DIAPH2: variants seen among roughly 807,000 people sequenced by gnomAD.
DIAPH2 encodes protein diaphanous homolog 2.
Under a neutral mutation model 92.7 loss-of-function variants are expected in DIAPH2, and 35 were observed. The ratio of observed to expected loss-of-function variants is 0.38; its 90% CI spans 0.29 to 0.50. The LOEUF is 0.50. DIAPH2 is among the 20% of genes least tolerant of loss of function. The probability of loss-of-function intolerance (pLI) is 0.94; values close to 1 mark genes in which losing one functional copy is unlikely to be tolerated. For synonymous variants in DIAPH2, 301 were observed against 280.4 expected (o/e 1.07, Z -0.73); for missense variants, 701 against 819.5 (o/e 0.86, Z 1.77).
At chrX:97,249,077 T>C (rs1025236293) in intron 23 of DIAPH2, among the ~76,000 whole-genome samples, 16 of 110,366 alleles carry the variant, frequency 1.4e-4, no homozygotes, top group Non-Finnish European at 2.7e-4. Flanking sequence ...TTTTTTTTTT[T>C]CAAATATGTT....
intron 19 of DIAPH2, among the ~76,000 whole-genome samples, chrX:97,081,446 A>T (rs542061794): frequency 1.8e-5 from 2 of 112,407 alleles, no homozygotes; most frequent in South Asian, 7.4e-4. Flanking sequence ...TGTTGTTCAC[A>T]GAGAAAGAAA....
At chrX:97,434,697 A>C (rs1353896372) in intron 26 of DIAPH2, among the ~76,000 whole-genome samples, 1 of 111,423 alleles carries the variant, frequency 9.0e-6, no homozygotes. Flanking sequence ...GGTGTGAGCT[A>C]CCGCACCCAG....
chrX:97,078,937 A>G (rs968062746), intron 19 of DIAPH2, among the ~76,000 whole-genome samples: 3 of 110,951 alleles, frequency 2.7e-5, no homozygotes, highest in African/African-American at 9.8e-5. Flanking sequence ...ATAAGCCGTC[A>G]TATAGGGTAG....
At position 96,834,254 on chromosome X, in the gene DIAPH2, A is replaced by T. The variant is rs1363559071; in HGVS notation, c.448-47325A>T. On this transcript the variant is annotated intron_variant, in intron 4 of 26. Coordinates refer to ENST00000324765, the MANE Select transcript of DIAPH2 (RefSeq NM_006729.5). The stretch of plus-strand genomic sequence containing the variant: ...CTGATTTGGGAATTTTGGGTTAGTG[A>T]TGCTCAACTGGTGGGTATAAAGCAA... Among the ~76,000 whole-genome samples the T allele has an allele frequency of 3.0e-4, 34 of 111,713 alleles. 1 individual carries two copies. The Admixed American group carries it at 3.2e-3, about 10-fold the overall frequency.
intron 5 of DIAPH2, among the ~76,000 whole-genome samples, chrX:96,904,449 A>G (rs1377321510): frequency 1.8e-5 from 2 of 112,048 alleles, no homozygotes; most frequent in Non-Finnish European, 3.8e-5. Flanking sequence ...ACCTGAGTGG[A>G]CGTATATGTT....
At chrX:96,747,404 C>T (rs1202635743) in intron 3 of DIAPH2, among the ~76,000 whole-genome samples, 1 of 112,044 alleles carries the variant, frequency 8.9e-6, no homozygotes, top group Non-Finnish European at 1.9e-5. Flanking sequence ...AGCCATATTT[C>T]ATTTCAACCT....
At position 97,069,023 on chromosome X, in the gene DIAPH2, C is replaced by T. The variant is rs768604238; in HGVS notation, c.2051-3918C>T. Reference sequence around the variant, plus strand: ...TGTTGTCCAGGCTGGAATGCAGTGGCGCAATCTTGGCACACTGCAACCTCC... The same window carrying T: ...TGTTGTCCAGGCTGGAATGCAGTGGTGCAATCTTGGCACACTGCAACCTCC... On this transcript the variant is annotated intron_variant, in intron 17 of 26. Transcript: ENST00000324765. Among the ~76,000 whole-genome samples, 14 of 111,097 alleles carry T rather than the reference C, an allele frequency of 1.3e-4. No homozygotes were observed. The East Asian group carries it at 1.4e-3, about 11-fold the overall frequency.
At chrX:97,419,795 T>C (rs1305871646) in intron 25 of DIAPH2, among the ~76,000 whole-genome samples, 2 of 112,394 alleles carry the variant, frequency 1.8e-5, no homozygotes, top group East Asian at 5.5e-4. Flanking sequence ...AAGACATCTT[T>C]GTTTTATCTT....
chrX:97,305,327 C>T (rs147833819), intron 23 of DIAPH2, among the ~76,000 whole-genome samples: 6,645 of 107,012 alleles, frequency 0.062, 231 homozygotes, highest in African/African-American at 0.14. Flanking sequence ...ACTCTGTCTC[C>T]ACTAAATACA....
At chrX:97,354,871 T>C (rs1417356606) in intron 24 of DIAPH2, among the ~76,000 whole-genome samples, 1 of 112,306 alleles carries the variant, frequency 8.9e-6, no homozygotes, top group African/African-American at 3.2e-5. Flanking sequence ...AGGAACTGTG[T>C]CTCTCAGAAC....
rs60441028 is a variant in DIAPH2 at position 96,775,353 on chromosome X, T to TTGTGTGTGTGTGTGTGTGTG, written c.447+17115_447+17134dup. ...CATTCTTATTTTACTCAACGTGTGCTTGTGTGTGTGTGTGTGTGTGTGTGT... is the reference window on the plus strand; with the variant it reads ...CATTCTTATTTTACTCAACGTGTGCTTGTGTGTGTGTGTGTGTGTGTGTGTGTGTGTGTGTGTGTGTGTGT... On this transcript the variant is annotated intron_variant, in intron 4 of 26. Coordinates refer to ENST00000324765, the MANE Select transcript of DIAPH2 (RefSeq NM_006729.5). Among the ~76,000 whole-genome samples, 772 of 89,366 alleles carry TTGTGTGTGTGTGTGTGTGTG rather than the reference T, an allele frequency of 8.6e-3. 14 individuals carry two copies. The highest frequency in any genetic ancestry group is 0.014 in the Non-Finnish European group (647 of 44,725). 77.6% of individuals were successfully genotyped at this position (89,366 alleles called of 115,157 possible). A position where few individuals can be genotyped will look rare whatever the true frequency, so the allele number is the denominator to read the frequency against.
chrX:97,053,584 AG>A (rs1402135451), intron 17 of DIAPH2, among the ~76,000 whole-genome samples: 2 of 111,219 alleles, frequency 1.8e-5, no homozygotes, highest in Non-Finnish European at 3.8e-5. Flanking sequence ...ACTCATTTTT[AG>A]AATAGGGAAA....
chrX:97,241,383 C>T lies in DIAPH2; in HGVS notation c.2720-6332C>T, dbSNP rs2068092084. Among the ~76,000 whole-genome samples the T allele has an allele frequency of 4.6e-5, 5 of 109,677 alleles. 1 individual carries two copies. The South Asian group carries it at 1.2e-3, about 26-fold the overall frequency. On this transcript the variant is annotated intron_variant, in intron 22 of 26. Coordinates refer to ENST00000324765, the MANE Select transcript of DIAPH2 (RefSeq NM_006729.5). The stretch of plus-strand genomic sequence containing the variant: ...TGCGATCTTAGCTCACTGCCACCTC[C>T]GCCTCTTGGGTTCAAGCAATTCTCC...
At chrX:97,578,047 CTTT>C (rs2071409677) in intron 26 of DIAPH2, among the ~76,000 whole-genome samples, 1 of 104,564 alleles carries the variant, frequency 9.6e-6, no homozygotes, top group African/African-American at 3.4e-5. Flanking sequence ...CCACTGCAGC[CTTT>C]TGAGCTGGGG....
rs73632873 is a variant in DIAPH2, at chrX:96,951,344, G to A, written c.1614+2305G>A. ...AAAAACTCCATTAGCGAATTTCTCC[G>A]AACTTTCATATCACTTTTCTAGACC... On this transcript the variant is annotated intron_variant, in intron 15 of 26. Coordinates refer to ENST00000324765, the MANE Select transcript of DIAPH2 (RefSeq NM_006729.5). Among the ~76,000 whole-genome samples the A allele has an allele frequency of 1.7e-3, 192 of 111,552 alleles. 1 individual carries two copies. The highest frequency in any genetic ancestry group is 5.8e-3 in the African/African-American group (177 of 30,702).
intron 4 of DIAPH2, among the ~76,000 whole-genome samples, chrX:96,873,129 G>A (rs1172096321): frequency 1.8e-5 from 2 of 111,088 alleles, no homozygotes; most frequent in African/African-American, 6.6e-5. Flanking sequence ...TTTTAACTGG[G>A]GTGAGATGAT....
chrX:97,537,362 T>C (rs910559356), intron 26 of DIAPH2, among the ~76,000 whole-genome samples: 1 of 112,120 alleles, frequency 8.9e-6, no homozygotes, highest in African/African-American at 3.2e-5. Context: ...TATATTTGAA[T>C]GTCTATTGGG....
rs186962274 is a variant in DIAPH2 at position 97,372,965 on chromosome X, G to A, written c.3010-10944G>A. Among the ~76,000 whole-genome samples the A allele has an allele frequency of 5.7e-3, 617 of 108,313 alleles. 2 individuals carry two copies. The highest frequency in any genetic ancestry group is 0.02 in the African/African-American group (581 of 29,558). The allele number at this position is 108,313 out of a possible 115,157, so 94.1% of individuals were successfully genotyped here. A position where few individuals can be genotyped will look rare whatever the true frequency, so the allele number is the denominator to read the frequency against. ...GCACTCCAGCCTGGGCAACAAGAGC[G>A]AAACTCCGTCTCAAAAAAAAAAAAG... On this transcript the variant is annotated intron_variant, in intron 24 of 26. Transcript: ENST00000324765.
At chrX:97,507,609 C>T (rs972736993) in intron 26 of DIAPH2, among the ~76,000 whole-genome samples, 54 of 111,735 alleles carry the variant, frequency 4.8e-4, no homozygotes, top group African/African-American at 1.5e-3. Flanking sequence ...ATTTTGTATA[C>T]GTGACAGTTA....
Sources: allele counts gnomAD v4.1 joint callset (sites outside exome capture counted in the v4.1 genomes callset), GRCh38; gene constraint gnomAD v4.1.1; transcripts MANE v1.5; gene names NCBI Gene and HGNC (gene_info 2026-07-23, HGNC 2026-07-21).